PEX14: variants seen among roughly 807,000 people sequenced by gnomAD.
PEX14 encodes the protein peroxisomal biogenesis factor 14.
A neutral mutation model predicts 49.5 loss-of-function variants in PEX14; 15 were observed. That is an observed-to-expected ratio of 0.30 (90% CI 0.20 to 0.47). The LOEUF is 0.47. Ranked by LOEUF, PEX14 falls within the 20% of genes least tolerant of loss-of-function variation. The pLI is 1.00. For missense variants in PEX14, 398 were observed against 494.8 expected, an observed-to-expected ratio of 0.80 and a Z score of 1.86; for synonymous variants, 210 against 212.7, an observed-to-expected ratio of 0.99 and a Z score of 0.11.
chr1:10,596,234 G>A (rs1488199860), intron 3 of PEX14, among the ~76,000 whole-genome samples: 1 of 152,168 alleles, frequency 6.6e-6, no homozygotes, highest in Non-Finnish European at 1.5e-5. Context: ...CCTAAGGTGG[G>A]GACATTCCAG....
Position 10,511,659 on chromosome 1 carries a change from TC to T in PEX14, c.84+16340del, listed in dbSNP as rs557036669. 2.0e-3 allele frequency among the ~76,000 whole-genome samples: 311 copies of T among 152,216 alleles called. 2 individuals are homozygous for T. Among genetic ancestry groups the T allele is most frequent in the Non-Finnish European group, 4.0e-3 (271 of 68,000 alleles). The stretch of plus-strand genomic sequence containing the variant: ...TCTGTGGATTGTGGGGCCTCTGACT[TC>T]CATAGACCGTGGGACTGTGACTTCT... On this transcript the variant is annotated intron_variant, in intron 2 of 8. Transcript: ENST00000356607.
rs145432748 is a variant in PEX14 at position 10,599,095 on chromosome 1, C to T, written c.170-143C>T. 7,742 of 801,026 alleles carry T rather than the reference C, an allele frequency of 9.7e-3. 69 individuals carry two copies. The highest frequency in any genetic ancestry group is 0.013 in the Non-Finnish European group (5,853 of 458,716). The allele number at this position is 801,026 out of a possible 1,614,324, so 49.6% of individuals were successfully genotyped here. A position where few individuals can be genotyped will look rare whatever the true frequency, so the allele number is the denominator to read the frequency against. ...GTTAAATTGCAACTGAGAGAGGTTC[C>T]GGAGAATCTGAAATCGGGGAGGCAA... On this transcript the variant is annotated intron_variant, in intron 3 of 8. Coordinates refer to ENST00000356607, the MANE Select transcript of PEX14 (RefSeq NM_004565.3).
chr1:10,630,340 T>C lies in PEX14; in HGVS notation c.*353T>C, dbSNP rs554497129. The C allele has an allele frequency of 5.4e-6, 2 of 367,652 alleles. No individual in the cohort carries two copies. Among genetic ancestry groups the C allele is most frequent in the East Asian group, 5.1e-5 (1 of 19,706 alleles). 22.8% of individuals were successfully genotyped at this position (367,652 alleles called of 1,614,324 possible). On this transcript the variant is annotated 3_prime_UTR_variant, in exon 9 of 9. Coordinates refer to ENST00000356607, the MANE Select transcript of PEX14 (RefSeq NM_004565.3). The surrounding 1 kb of genome is among the most constrained non-coding windows in gnomAD (Gnocchi z 4.1). ...GGGTGTGTTTGCTGAGTGTCTTGAC[T>C]ACCGTGACACCACGCATGGCCAGAG...
chr1:10,516,955 A>G (rs959252132), intron 2 of PEX14: 5 of 152,264 alleles, frequency 3.3e-5, no homozygotes, highest in Admixed American at 3.3e-4. Context: ...TTAAGATGGC[A>G]GAGCCTTTCT....
rs141920192 is a variant in PEX14, at chr1:10,555,422, A to T, written c.169+19125A>T. Among the ~76,000 whole-genome samples, 657 of 152,190 alleles carry T rather than the reference A, an allele frequency of 4.3e-3. 7 individuals carry two copies. Among genetic ancestry groups the T allele is most frequent in the African/African-American group, 0.015 (626 of 41,514 alleles). On this transcript the variant is annotated intron_variant, in intron 3 of 8. Coordinates refer to ENST00000356607, the MANE Select transcript of PEX14 (RefSeq NM_004565.3). Reference sequence around the variant, plus strand: ...GAAAACATGCTAAAAATGATTTTCAATGTAAAATAAGGGAGGGAAAAACGA... The same window carrying T: ...GAAAACATGCTAAAAATGATTTTCATTGTAAAATAAGGGAGGGAAAAACGA...
At chr1:10,591,402 A>G (rs563265504) in intron 3 of PEX14, among the ~76,000 whole-genome samples, 1 of 152,258 alleles carries the variant, frequency 6.6e-6, no homozygotes, top group Admixed American at 6.5e-5. Flanking sequence ...CTTCCAGAAA[A>G]CGGGGTGAAC....
At chr1:10,570,149 A>G (rs992401705) in intron 3 of PEX14, among the ~76,000 whole-genome samples, 1 of 151,204 alleles carries the variant, frequency 6.6e-6, no homozygotes, top group Non-Finnish European at 1.5e-5. Flanking sequence ...TTTTTTTCCA[A>G]TGTTTTTCCT....
intron 1 of PEX14, among the ~76,000 whole-genome samples, chr1:10,490,144 G>A (rs936940321): frequency 2.0e-5 from 3 of 152,164 alleles, no homozygotes; most frequent in South Asian, 2.1e-4. Flanking sequence ...GTTGAGCAGC[G>A]TGCCCCCAAA....
At chr1:10,622,237 G>A (rs1641617124) in intron 5 of PEX14, among the ~76,000 whole-genome samples, 2 of 152,136 alleles carry the variant, frequency 1.3e-5, no homozygotes, top group African/African-American at 2.4e-5. Flanking sequence ...CCCCTGTGAG[G>A]GGTGGCCCTG....
At chr1:10,615,431 C>A (rs1198995493) in intron 4 of PEX14, among the ~76,000 whole-genome samples, 1 of 152,174 alleles carries the variant, frequency 6.6e-6, no homozygotes, top group Non-Finnish European at 1.5e-5. Flanking sequence ...AAAATGAGAT[C>A]AATGCAAATT....
chr1:10,497,691 A>G (rs1378871109), intron 2 of PEX14, among the ~76,000 whole-genome samples: 1 of 152,202 alleles, frequency 6.6e-6, no homozygotes, highest in Non-Finnish European at 1.5e-5. Context: ...AGCTCTGCGG[A>G]GGGCGAGGGC....
rs1360110169 is a variant in PEX14, at chr1:10,628,881, G to T, written c.678-650G>T. Among the ~76,000 whole-genome samples the T allele has an allele frequency of 6.6e-6, 1 of 152,182 alleles. No homozygotes were observed. Among genetic ancestry groups the T allele is most frequent in the Admixed American group, 6.5e-5 (1 of 15,288 alleles). ...TTGCCAAGTGGACCTGACCTCCCAG[G>T]TCCCTCCTGGAATTGGCTTTGGTTT... On this transcript the variant is annotated intron_variant, in intron 8 of 8. Transcript: ENST00000356607. This position sits in a 1 kb window ranked among gnomAD's most constrained non-coding sequence, Gnocchi z 4.5.
chr1:10,598,928 G>T (rs1640903750), intron 3 of PEX14, among the ~76,000 whole-genome samples: 1 of 151,302 alleles, frequency 6.6e-6, no homozygotes, highest in Non-Finnish European at 1.5e-5. Flanking sequence ...ATTTGCAGTT[G>T]ATGGTATCTG....
intron 2 of PEX14, among the ~76,000 whole-genome samples, chr1:10,510,981 T>C (rs541531450): frequency 6.6e-6 from 1 of 152,328 alleles, no homozygotes; most frequent in African/African-American, 2.4e-5. Context: ...TTATTTGCAA[T>C]GACACTGGGA....
chr1:10,534,034 G>C (rs551575092), intron 2 of PEX14, among the ~76,000 whole-genome samples: 63 of 152,142 alleles, frequency 4.1e-4, no homozygotes, highest in Non-Finnish European at 3.5e-4. Context: ...TCTCTGTCAT[G>C]GAAAATTTTG....
intron 3 of PEX14, among the ~76,000 whole-genome samples, chr1:10,550,217 A>G (rs1639296562): frequency 6.6e-6 from 1 of 152,330 alleles, no homozygotes; most frequent in Non-Finnish European, 1.5e-5. Flanking sequence ...GGTTCTGTGA[A>G]GAATGAGAAT....
intron 3 of PEX14, among the ~76,000 whole-genome samples, chr1:10,598,413 G>A (rs1030669158): frequency 2.6e-5 from 4 of 152,162 alleles, no homozygotes; most frequent in Admixed American, 6.5e-5. Flanking sequence ...TCCCAGCTGT[G>A]TCCCCACTGG....
chr1:10,601,535 T>C (rs1640986093), intron 4 of PEX14, among the ~76,000 whole-genome samples: 1 of 152,166 alleles, frequency 6.6e-6, no homozygotes, highest in Non-Finnish European at 1.5e-5. Context: ...GATCTCCTCC[T>C]TTGGCTGTCC....
At chr1:10,551,717 T>C (rs895961124) in intron 3 of PEX14, among the ~76,000 whole-genome samples, 2 of 152,218 alleles carry the variant, frequency 1.3e-5, no homozygotes, top group African/African-American at 4.8e-5. Context: ...TATACCAATT[T>C]TTCTTTAATT....
Sources: allele counts gnomAD v4.1 joint callset (sites outside exome capture counted in the v4.1 genomes callset), GRCh38; gene constraint gnomAD v4.1.1; non-coding constraint Gnocchi (gnomAD v3.1); transcripts MANE v1.5; gene names NCBI Gene and HGNC (gene_info 2026-07-23, HGNC 2026-07-21).